GPC5: variants seen among roughly 807,000 people sequenced by gnomAD.
GPC5 encodes glypican 5, also known as glypican-5.
A neutral mutation model predicts 53.9 loss-of-function variants in GPC5; 47 were observed. That is an observed-to-expected ratio of 0.87 (90% CI 0.69 to 1.11). The LOEUF (loss-of-function observed/expected upper bound fraction) is 1.11, where lower values mean the gene tolerates loss of function less well. Among genes scored for constraint, GPC5 ranks in the 50% most tolerant of loss-of-function variants. The pLI, the probability that GPC5 is intolerant of heterozygous loss-of-function variation, is 0.00. For synonymous variants in GPC5, 286 were observed against 263.3 expected (o/e 1.09, Z -0.84); for missense variants, 748 against 713.1 (o/e 1.05, Z -0.56).
chr13:91,482,143 T>C (rs1883335841), intron 2 of GPC5, among the ~76,000 whole-genome samples: 1 of 152,164 alleles, frequency 6.6e-6, no homozygotes, highest in South Asian at 2.1e-4. Context: ...CTCAATAAAA[T>C]AGTGTTGAGA....
intron 7 of GPC5, among the ~76,000 whole-genome samples, chr13:92,418,860 G>A (rs1876434707): frequency 1.3e-5 from 2 of 152,184 alleles, no homozygotes; most frequent in African/African-American, 4.8e-5. Flanking sequence ...GTGTGGGAAA[G>A]CACTTTATCC....
intron 6 of GPC5, among the ~76,000 whole-genome samples, chr13:91,914,238 A>G (rs2039637395): frequency 2.0e-5 from 3 of 152,182 alleles, no homozygotes; most frequent in Admixed American, 2.0e-4. Context: ...TTGCTTAGAA[A>G]TTAATTTACC....
intron 7 of GPC5, among the ~76,000 whole-genome samples, chr13:92,733,673 GT>G (rs1888866431): frequency 1.3e-5 from 2 of 151,654 alleles, no homozygotes; most frequent in Non-Finnish European, 3.0e-5. Context: ...TTCTCTAAGG[GT>G]TGAATTTTTT....
chr13:91,665,061 A>G (rs1175083946), intron 2 of GPC5, among the ~76,000 whole-genome samples: 1 of 152,270 alleles, frequency 6.6e-6, no homozygotes, highest in Non-Finnish European at 1.5e-5. Context: ...AAGAACAAAT[A>G]TTATTCAAAA....
intron 2 of GPC5, among the ~76,000 whole-genome samples, chr13:91,650,959 T>C (rs1026977712): frequency 6.6e-6 from 1 of 152,108 alleles, no homozygotes; most frequent in Non-Finnish European, 1.5e-5. Context: ...ATTTCTAACA[T>C]TGCTGAATAT....
Position 91,535,500 on chromosome 13 carries a change from A to T in GPC5, c.325+86578A>T, listed in dbSNP as rs1189263811. ...GCCTTCAAACCACAAGACTAATGAA[A>T]ATATTATATACACATTTGTTCATTT... On this transcript the variant is annotated intron_variant, in intron 2 of 7. Coordinates refer to ENST00000377067, the MANE Select transcript of GPC5 (RefSeq NM_004466.6). Among the ~76,000 whole-genome samples, 11 of 152,284 alleles carry T rather than the reference A, an allele frequency of 7.2e-5. No individual in the cohort carries two copies. In the East Asian group the frequency reaches 2.1e-3, roughly 29 times the overall value.
chr13:91,799,623 A>G (rs543339597), intron 5 of GPC5, among the ~76,000 whole-genome samples: 1 of 152,300 alleles, frequency 6.6e-6, no homozygotes, highest in South Asian at 2.1e-4. Flanking sequence ...AAGGCCTGGG[A>G]ATATCGTAGA....
chr13:92,776,253 ACT>A lies in GPC5; in HGVS notation c.1562-90020_1562-90019del, dbSNP rs755444154. ...GTAGTGTAGCGTCTTTAAATCTCAG[ACT>A]CTCTCTCTTCCTCCCTCTGTCTCCT... On this transcript the variant is annotated intron_variant, in intron 7 of 7. Coordinates refer to ENST00000377067, the MANE Select transcript of GPC5 (RefSeq NM_004466.6). Among the ~76,000 whole-genome samples, 3 of 150,956 alleles carry A rather than the reference ACT, an allele frequency of 2.0e-5. No homozygotes were observed. The East Asian group carries it at 5.9e-4, about 29-fold the overall frequency.
At chr13:92,322,223 G>T (rs1365601374) in intron 7 of GPC5, among the ~76,000 whole-genome samples, 4 of 151,898 alleles carry the variant, frequency 2.6e-5, no homozygotes, top group Non-Finnish European at 5.9e-5. Context: ...TTTAGTTATG[G>T]CTTTAAAGGG....
chr13:92,753,468 A>G (rs1473125395), intron 7 of GPC5, among the ~76,000 whole-genome samples: 1 of 152,218 alleles, frequency 6.6e-6, no homozygotes, highest in Non-Finnish European at 1.5e-5. Flanking sequence ...CAAGGGAACA[A>G]AGCTGGACGG....
chr13:92,203,580 A>G (rs888097034), intron 7 of GPC5, among the ~76,000 whole-genome samples: 1 of 144,100 alleles, frequency 6.9e-6, no homozygotes, highest in African/African-American at 2.5e-5. Flanking sequence ...TGGCACATGT[A>G]TACATATGTA....
chr13:91,694,705 T>C (rs992830602), intron 3 of GPC5, among the ~76,000 whole-genome samples: 11 of 152,206 alleles, frequency 7.2e-5, no homozygotes, highest in African/African-American at 2.7e-4. Flanking sequence ...TACTCTCCAG[T>C]GCCAACAAAA....
At chr13:92,696,712 T>C (rs1887568886) in intron 7 of GPC5, among the ~76,000 whole-genome samples, 1 of 152,222 alleles carries the variant, frequency 6.6e-6, no homozygotes, top group African/African-American at 2.4e-5. Context: ...TAAGATCCCA[T>C]TTATCAATTT....
At chr13:92,705,628 T>C (rs1887922677) in intron 7 of GPC5, among the ~76,000 whole-genome samples, 1 of 152,148 alleles carries the variant, frequency 6.6e-6, no homozygotes, top group South Asian at 2.1e-4. Context: ...CAACTACATG[T>C]TTTCCTTTTT....
At chr13:92,719,587 A>G (rs1415630543) in intron 7 of GPC5, among the ~76,000 whole-genome samples, 2 of 152,202 alleles carry the variant, frequency 1.3e-5, no homozygotes, top group Non-Finnish European at 2.9e-5. Context: ...CTAAAAATAG[A>G]TTTATTTTCC....
At chr13:92,428,793 A>G (rs1281761368) in intron 7 of GPC5, among the ~76,000 whole-genome samples, 1 of 152,094 alleles carries the variant, frequency 6.6e-6, no homozygotes, top group African/African-American at 2.4e-5. Context: ...ACCATTACTA[A>G]TCAATCGTAC....
At chr13:91,771,061 T>G (rs2037615545) in intron 5 of GPC5, among the ~76,000 whole-genome samples, 2 of 152,130 alleles carry the variant, frequency 1.3e-5, no homozygotes, top group Admixed American at 6.6e-5. Context: ...ATAAAGCGTA[T>G]ACAACTTTTC....
At chr13:91,994,390 C>A (rs1352781272) in intron 6 of GPC5, 1 of 152,130 alleles carries the variant, frequency 6.6e-6, no homozygotes, top group East Asian at 1.9e-4. Context: ...CTGTGTTGGG[C>A]CATCATGGAT....
intron 5 of GPC5, among the ~76,000 whole-genome samples, chr13:91,865,148 G>A (rs1316919692): frequency 2.0e-5 from 3 of 151,850 alleles, no homozygotes; most frequent in Non-Finnish European, 2.9e-5. Flanking sequence ...TGACCTCGTG[G>A]TCTGCCTGCC....
Sources: allele counts gnomAD v4.1 joint callset (sites outside exome capture counted in the v4.1 genomes callset), GRCh38; gene constraint gnomAD v4.1.1; transcripts MANE v1.5; gene names NCBI Gene and HGNC (gene_info 2026-07-23, HGNC 2026-07-21).